Variants in USP34 observed in about 807,000 individuals in gnomAD.
USP34 encodes ubiquitin specific peptidase 34.
A neutral mutation model predicts 460.3 loss-of-function variants in USP34; 70 were observed. That is an observed-to-expected ratio of 0.15 (90% confidence interval 0.13 to 0.19). The LOEUF (loss-of-function observed/expected upper bound fraction) is 0.19, where lower values mean the gene tolerates loss of function less well. USP34 is among the 10% of genes least tolerant of loss of function. The pLI is 1.00. For missense variants in USP34, 3,985 were observed against 4,236.2 expected, an observed-to-expected ratio of 0.94 and a Z score of 1.65; for synonymous variants, 1,647 against 1,405.3, an observed-to-expected ratio of 1.17 and a Z score of -3.85.
At chr2:61,313,787 T>C (rs1019560749) in intron 25 of USP34, among the ~76,000 whole-genome samples, 3 of 152,082 alleles carry the variant, frequency 2.0e-5, no homozygotes, top group Admixed American at 6.5e-5. Context: ...AAGCATGTTA[T>C]TTATAAGGAA....
rs1695935161 is a variant in USP34, at chr2:61,470,763, G to A, written c.-71C>T. The A allele has an allele frequency of 1.0e-5, 14 of 1,381,372 alleles. No homozygotes were observed. The highest frequency in any genetic ancestry group is 9.0e-6 in the Non-Finnish European group (9 of 998,320). 85.6% of individuals were successfully genotyped at this position (1,381,372 alleles called of 1,614,324 possible). A position where few individuals can be genotyped will look rare whatever the true frequency, so the allele number is the denominator to read the frequency against. On this transcript the variant is annotated 5_prime_UTR_variant, in exon 1 of 80. Transcript: ENST00000398571. ...CTGATCCCGACCGGCGGGGGGGAGG[G>A]GAGAGAGGCGGAGGAGGGGGCCGGC...
At chr2:61,318,655 T>A (rs530106093) in intron 22 of USP34, among the ~76,000 whole-genome samples, 243 of 152,360 alleles carry the variant, frequency 1.6e-3, no homozygotes, top group African/African-American at 5.6e-3. Context: ...AACTGTGGCA[T>A]GTGGTAAAGA....
At chr2:61,278,572 T>C (rs1689441987) in intron 39 of USP34, 129 bp from the exon 40 acceptor site, 1 of 661,026 alleles carries the variant, frequency 1.5e-6, no homozygotes, top group Non-Finnish European at 2.5e-6. Flanking sequence ...GTTATAAACG[T>C]AATACACCTA....
chr2:61,352,316 ATATAG>A (rs1219154271), intron 10 of USP34, among the ~76,000 whole-genome samples: 5 of 152,042 alleles, frequency 3.3e-5, no homozygotes, highest in East Asian at 3.9e-4. Context: ...ATGTTTATAT[ATATAG>A]TATATGTATA....
chr2:61,431,873 A>G (rs1694686226), intron 1 of USP34, among the ~76,000 whole-genome samples: 2 of 152,112 alleles, frequency 1.3e-5, no homozygotes, highest in South Asian at 2.1e-4. Context: ...AAATAAATAA[A>G]AGATAAATAA....
chr2:61,206,960 C>A, intron 70 of USP34, 74 bp from the exon 71 acceptor site: 1 of 1,480,676 alleles, frequency 6.8e-7, no homozygotes, highest in Non-Finnish European at 9.2e-7. Flanking sequence ...TAGTACTCGT[C>A]CTCTACGATA....
chr2:61,414,562 T>TG (rs749330777), intron 2 of USP34, among the ~76,000 whole-genome samples: 94 of 152,280 alleles, frequency 6.2e-4, no homozygotes, highest in Non-Finnish European at 1.2e-3. Flanking sequence ...CCAGGAAACT[T>TG]GGAGATCCAA....
In USP34 at chr2:61,220,529, T is replaced by C. The variant is rs553983910; in HGVS notation, c.7900-72A>G. 3.1e-5 allele frequency: 43 copies of C among 1,406,362 alleles called. No individual in the cohort carries two copies. The East Asian group carries it at 9.5e-4, about 31-fold the overall frequency. The allele number at this position is 1,406,362 out of a possible 1,614,324, so 87.1% of individuals were successfully genotyped here. A position where few individuals can be genotyped will look rare whatever the true frequency, so the allele number is the denominator to read the frequency against. ...CAATTACTTTTACTTACTTTTTGTA[T>C]ATGCTATTAGACACAAAGCTAAAGT... On this transcript the variant is annotated intron_variant, in intron 66 of 79. Transcript: ENST00000398571.
chr2:61,195,580 G>A (rs1159521075), intron 75 of USP34, among the ~76,000 whole-genome samples: 2 of 151,972 alleles, frequency 1.3e-5, no homozygotes, highest in African/African-American at 2.4e-5. Context: ...GCTGAGGCAG[G>A]AGAATCACTT....
At position 61,240,362 on chromosome 2, in the gene USP34, T is replaced by A. The variant is rs188443177; in HGVS notation, c.6777+1198A>T. ...TGGAGTGCAGTGGTGCGATCTCGGC[T>A]CCGCCTCCCAGGTTCACGCCATTCT... On this transcript the variant is annotated intron_variant, in intron 53 of 79. Coordinates refer to ENST00000398571, the MANE Select transcript of USP34 (RefSeq NM_014709.4). 7.4e-3 allele frequency among the ~76,000 whole-genome samples: 1,129 copies of A among 152,224 alleles called. 53 individuals carry two copies. Among genetic ancestry groups the A allele is most frequent in the Admixed American group, 0.068 (1,035 of 15,274 alleles).
chr2:61,236,968 T>C (rs1688087569), intron 53 of USP34, among the ~76,000 whole-genome samples: 1 of 152,226 alleles, frequency 6.6e-6, no homozygotes, highest in Non-Finnish European at 1.5e-5. Flanking sequence ...TGTAGAGTTA[T>C]ACTTCTGATT....
chr2:61,467,726 T>C (rs1362748165), intron 1 of USP34, among the ~76,000 whole-genome samples: 1 of 143,280 alleles, frequency 7.0e-6, no homozygotes, highest in Non-Finnish European at 1.5e-5. Flanking sequence ...GTTCAAGCAA[T>C]TCTCCTGCCT....
intron 58 of USP34, 150 bp from the exon 59 acceptor site, chr2:61,229,783 G>T: frequency 1.7e-6 from 1 of 579,502 alleles, no homozygotes; most frequent in Non-Finnish European, 2.9e-6. Flanking sequence ...TCTCAACAAT[G>T]GACTAAGGAA....
chr2:61,207,283 A>G (rs1258575366), intron 70 of USP34: 1 of 156,980 alleles, frequency 6.4e-6, no homozygotes, highest in Non-Finnish European at 1.4e-5. Context: ...TGTCAGCCAT[A>G]CTCAAAAGAG....
Position 61,229,487 on chromosome 2 carries a change from A to C in USP34, c.7199+61T>G, listed in dbSNP as rs1318250714. On this transcript the variant is annotated intron_variant, in intron 59 of 79. Transcript: ENST00000398571. ...AAAAAAAAAAAAAACAAAAAAAAAAAACAAAAACACCACACACACACAACA... is the reference window on the plus strand; with the variant it reads ...AAAAAAAAAAAAAACAAAAAAAAAACACAAAAACACCACACACACACAACA... The C allele has an allele frequency of 3.0e-5, 25 of 820,742 alleles. 1 individual carries two copies. The Middle Eastern group carries it at 1.4e-3, about 46-fold the overall frequency. The allele number at this position is 820,742 out of a possible 1,614,324, so 50.8% of individuals were successfully genotyped here. A position where few individuals can be genotyped will look rare whatever the true frequency, so the allele number is the denominator to read the frequency against.
rs184628441 is a variant in USP34, at chr2:61,190,656, A to T, written c.9591T>A (p.Ser3197=). The T allele has an allele frequency of 1.9e-6, 3 of 1,612,868 alleles. No homozygotes were observed. In the Admixed American group the frequency reaches 5.0e-5, roughly 27 times the overall value. Residue 3197 remains serine (S), a splice_region_variant and synonymous_variant, in exon 77 of 80, where the codon TCT becomes TCA. Transcript: ENST00000398571. The part of the protein sequence containing the change: ...KLWTELCQTQ[S]AMSKNCIKLL... ...GCTTGATGCAGTTTTTTGACATAGCAGACTAAAGTGGGGAGAAGATGGTTG... is the reference window on the plus strand; with the variant it reads ...GCTTGATGCAGTTTTTTGACATAGCTGACTAAAGTGGGGAGAAGATGGTTG...
At chr2:61,385,056 C>T (rs1572989448) in intron 5 of USP34, among the ~76,000 whole-genome samples, 1 of 152,096 alleles carries the variant, frequency 6.6e-6, no homozygotes, top group South Asian at 2.1e-4. Context: ...CCTATCTATA[C>T]ATACACACAA....
rs370616440 is a variant in USP34, at chr2:61,199,649, C to G, written c.9508+3491G>C. 5.9e-5 allele frequency among the ~76,000 whole-genome samples: 9 copies of G among 152,330 alleles called. No homozygotes were observed. The East Asian group carries it at 7.7e-4, about 13-fold the overall frequency. On this transcript the variant is annotated intron_variant, in intron 75 of 79. Transcript: ENST00000398571. ...CATAGACAGCTAACCAGTTATGTCA[C>G]TACCACCTATTTCCCACCAATTTCC...
intron 18 of USP34, among the ~76,000 whole-genome samples, chr2:61,338,700 C>T (rs1018614865): frequency 1.3e-5 from 2 of 151,964 alleles, no homozygotes; most frequent in African/African-American, 4.8e-5. Context: ...TGGAAGAACA[C>T]TGAAAACCAA....
Sources: gnomAD v4.1 joint callset for allele counts (sites outside exome capture counted in the v4.1 genomes callset) on GRCh38, gnomAD v4.1.1 for gene constraint, MANE v1.5 for transcripts, NCBI Gene and HGNC (gene_info 2026-07-23, HGNC 2026-07-21) for gene names.